The following RGS6 variants were observed in gnomAD, a reference collection of about 807,000 sequenced individuals.
The protein encoded by RGS6 is regulator of G-protein signaling 6.
RGS6 carries 30 observed loss-of-function variants against 78.5 expected under a neutral mutation model. The observed-to-expected ratio is 0.38, with a 90% CI of 0.29 to 0.52. The LOEUF (loss-of-function observed/expected upper bound fraction) is 0.52. Ranked by LOEUF, RGS6 falls within the 20% of genes least tolerant of loss-of-function variation. The pLI, the probability that RGS6 is intolerant of heterozygous loss-of-function variation, is 0.85. For synonymous variants in RGS6, 206 were observed against 206.0 expected (o/e 1.00, Z 0.00); for missense variants, 495 against 609.7 (o/e 0.81, Z 1.98).
intron 2 of RGS6, among the ~76,000 whole-genome samples, chr14:72,326,478 T>A (rs2073794076): frequency 6.6e-6 from 1 of 152,048 alleles, no homozygotes. Context: ...CTTGCAATAG[T>A]GAGTGAGTGC....
chr14:72,319,130 T>C lies in RGS6; in HGVS notation c.85-32965T>C, dbSNP rs573304871. On this transcript the variant is annotated intron_variant, in intron 2 of 17. Transcript: ENST00000553525. Reference sequence around the variant, plus strand: ...ACATGACACTACAAAGATATTATAATATAAAAGGAGAAAAAACTGGAAAAT... The same window carrying C: ...ACATGACACTACAAAGATATTATAACATAAAAGGAGAAAAAACTGGAAAAT... 2.0e-4 allele frequency among the ~76,000 whole-genome samples: 30 copies of C among 152,118 alleles called. No homozygotes were observed. The South Asian group carries it at 5.0e-3, about 25-fold the overall frequency.
At position 72,440,477 on chromosome 14, in the gene RGS6, T is replaced by C. The variant is rs912204428; in HGVS notation, c.185-14051T>C. 4.0e-5 allele frequency among the ~76,000 whole-genome samples: 6 copies of C among 150,828 alleles called. No individual in the cohort carries two copies. In the East Asian group the frequency reaches 9.8e-4, roughly 25 times the overall value. Reference sequence around the variant, plus strand: ...TTGCCCAGGTTGGAGTGCAGTGGCATGATCTCGGCTCACTGCAGTCTGCCT... The same window carrying C: ...TTGCCCAGGTTGGAGTGCAGTGGCACGATCTCGGCTCACTGCAGTCTGCCT... On this transcript the variant is annotated intron_variant, in intron 3 of 17. Coordinates refer to ENST00000553525, the MANE Select transcript of RGS6 (RefSeq NM_001204424.2).
chr14:72,433,315 A>G (rs7153117), intron 3 of RGS6, among the ~76,000 whole-genome samples: 42,693 of 151,456 alleles, frequency 0.28, 6,995 homozygotes, highest in East Asian at 0.64. Flanking sequence ...GAGGGGAGCA[A>G]CACACACTGG....
intron 1 of RGS6, among the ~76,000 whole-genome samples, chr14:71,955,858 G>T (rs1010881508): frequency 6.6e-6 from 1 of 152,108 alleles, no homozygotes; most frequent in African/African-American, 2.4e-5. Context: ...ACTCAAGATG[G>T]AGTTGCTCTG....
chr14:72,103,463 C>T (rs1287587092), intron 2 of RGS6, among the ~76,000 whole-genome samples: 1 of 152,214 alleles, frequency 6.6e-6, no homozygotes, highest in Non-Finnish European at 1.5e-5. Flanking sequence ...CAACAACTTT[C>T]ATTATCTCTT....
intron 17 of RGS6, chr14:72,541,544 C>T: frequency 2.6e-6 from 4 of 1,535,704 alleles, no homozygotes; most frequent in Non-Finnish European, 3.5e-6. Flanking sequence ...TGTGGCTCCG[C>T]ACACCAAGAA....
At chr14:72,036,664 T>C (rs2091757327) in intron 2 of RGS6, among the ~76,000 whole-genome samples, 1 of 152,192 alleles carries the variant, frequency 6.6e-6, no homozygotes, top group African/African-American at 2.4e-5. Flanking sequence ...ATTTTAAAAA[T>C]TGGACTGCTT....
intron 3 of RGS6, among the ~76,000 whole-genome samples, chr14:72,442,643 C>T (rs1031381023): frequency 6.6e-6 from 1 of 152,222 alleles, no homozygotes; most frequent in African/African-American, 2.4e-5. Flanking sequence ...TGGCTGTGTG[C>T]CACAGGACAT....
intron 2 of RGS6, among the ~76,000 whole-genome samples, chr14:72,238,811 A>G (rs2153821134): frequency 6.6e-6 from 1 of 152,196 alleles, no homozygotes; most frequent in South Asian, 2.1e-4. Flanking sequence ...ACACATGAAA[A>G]CTTTTATTAA....
chr14:72,554,002 T>TATC (rs1485031695), intron 17 of RGS6, among the ~76,000 whole-genome samples: 1 of 152,240 alleles, frequency 6.6e-6, no homozygotes, highest in Non-Finnish European at 1.5e-5. Context: ...TCTGTCCAGG[T>TATC]ATCTCCTGAA....
the RGS6 span, among the ~76,000 whole-genome samples, chr14:71,896,443 C>G: frequency 6.6e-6 from 1 of 152,088 alleles, no homozygotes; most frequent in Admixed American, 6.5e-5. Context: ...GTGAGGATGA[C>G]CCGAAGTCAC....
intron 2 of RGS6, among the ~76,000 whole-genome samples, chr14:72,044,842 C>A (rs1022844880): frequency 1.3e-5 from 2 of 151,986 alleles, no homozygotes; most frequent in African/African-American, 4.8e-5. Context: ...CACTGCACTC[C>A]AGCCTGGGCA....
At chr14:72,334,131 C>T (rs902936157) in intron 2 of RGS6, among the ~76,000 whole-genome samples, 16 of 152,218 alleles carry the variant, frequency 1.1e-4, no homozygotes, top group Non-Finnish European at 2.2e-4. Flanking sequence ...TAATTGCTGT[C>T]CAGAAAGAGG....
chr14:72,348,851 T>G (rs1277961289), intron 2 of RGS6, among the ~76,000 whole-genome samples: 4 of 152,138 alleles, frequency 2.6e-5, no homozygotes, highest in African/African-American at 9.7e-5. Context: ...GCAAACCACT[T>G]CAAACTTAGT....
chr14:72,247,880 C>A (rs1186261214), intron 2 of RGS6, among the ~76,000 whole-genome samples: 1 of 152,202 alleles, frequency 6.6e-6, no homozygotes, highest in African/African-American at 2.4e-5. Flanking sequence ...AGCCCCTCAA[C>A]CTTGGACTTC....
chr14:72,622,290 A>T, the RGS6 span, among the ~76,000 whole-genome samples: 2 of 152,238 alleles, frequency 1.3e-5, no homozygotes, highest in Non-Finnish European at 2.9e-5. Context: ...CTCCAACTTT[A>T]CAGGACAGGC....
chr14:72,148,053 C>T (rs2153629612), intron 2 of RGS6, among the ~76,000 whole-genome samples: 1 of 148,368 alleles, frequency 6.7e-6, no homozygotes, highest in East Asian at 2.0e-4. Flanking sequence ...ATGGCATGAA[C>T]CTGGGAGGCA....
intron 17 of RGS6, among the ~76,000 whole-genome samples, chr14:72,559,041 T>C (rs1670693723): frequency 6.6e-6 from 1 of 152,128 alleles, no homozygotes; most frequent in Non-Finnish European, 1.5e-5. Flanking sequence ...GAAAAAAACC[T>C]GCTTCCTCTG....
chr14:72,336,658 G>A (rs1397118769), intron 2 of RGS6, among the ~76,000 whole-genome samples: 1 of 152,174 alleles, frequency 6.6e-6, no homozygotes, highest in Non-Finnish European at 1.5e-5. Context: ...TCTATGATCT[G>A]CAAAGTCATT....
Sources: allele counts gnomAD v4.1 joint callset (sites outside exome capture counted in the v4.1 genomes callset), GRCh38; gene constraint gnomAD v4.1.1; transcripts MANE v1.5; gene names NCBI Gene and HGNC (gene_info 2026-07-23, HGNC 2026-07-21).